The following ADGRA1 variants were observed in gnomAD, a reference collection of about 807,000 sequenced individuals.
ADGRA1 encodes the protein G-protein coupled receptor 123.
A neutral mutation model predicts 21.3 loss-of-function variants in ADGRA1; 12 were observed. That is an observed-to-expected ratio of 0.56 (90% CI 0.36 to 0.91). The LOEUF (loss-of-function observed/expected upper bound fraction) is 0.91. Among genes scored for constraint, ADGRA1 ranks in the 40% least tolerant of loss-of-function variants. The pLI, the probability that ADGRA1 is intolerant of heterozygous loss-of-function variation, is 0.01. For synonymous variants in ADGRA1, 385 were observed against 368.8 expected, an observed-to-expected ratio of 1.04 and a Z score of -0.50; for missense variants, 790 against 805.6, an observed-to-expected ratio of 0.98 and a Z score of 0.23.
chr10:133,103,368 G>A (rs1186558507), intron 5 of ADGRA1, among the ~76,000 whole-genome samples: 1 of 152,232 alleles, frequency 6.6e-6, no homozygotes, highest in African/African-American at 2.4e-5. Flanking sequence ...ACACACTCAG[G>A]CACTCATTTC....
chr10:133,104,926 G>T (rs1030862239), intron 5 of ADGRA1, among the ~76,000 whole-genome samples: 2 of 152,162 alleles, frequency 1.3e-5, no homozygotes, highest in South Asian at 2.1e-4. Context: ...AGGCTGGAGC[G>T]GGGCCTTTCT....
At chr10:133,113,050 A>G (rs138077382) in intron 5 of ADGRA1, among the ~76,000 whole-genome samples, 14,110 of 60,886 alleles carry the variant, frequency 0.23, 2,848 homozygotes, top group East Asian at 0.67. Context: ...TTTGGGGTCT[A>G]TAAGCTGTGT....
At chr10:133,101,673 C>T (rs930164886) in intron 4 of ADGRA1, among the ~76,000 whole-genome samples, 1 of 152,194 alleles carries the variant, frequency 6.6e-6, no homozygotes, top group Non-Finnish European at 1.5e-5. Flanking sequence ...CCCTACTCCT[C>T]GACACGGTGC....
rs144745219 is a variant in ADGRA1 at position 133,109,877 on chromosome 10, G to A, written c.401+7035G>A. Among the ~76,000 whole-genome samples the A allele has an allele frequency of 4.2e-3, 646 of 152,348 alleles. 5 individuals are homozygous for A. The highest frequency in any genetic ancestry group is 0.014 in the African/African-American group (585 of 41,572). ...CTTTGTTCTGAGGCTTGGGTGAGCA[G>A]CACACTGCCCGTCATGCAGTGTCAG... On this transcript the variant is annotated intron_variant, in intron 5 of 6. Transcript: ENST00000392607.
Position 133,129,435 on chromosome 10 carries a change from T to G in ADGRA1, c.1607T>G (p.Leu536Arg). The G allele has an allele frequency of 6.2e-7, 1 of 1,603,686 alleles. No individual in the cohort carries two copies. Among genetic ancestry groups the G allele is most frequent in the Non-Finnish European group, 8.5e-7 (1 of 1,179,882 alleles). ...AACGGGCTGCCCAAGGGTAAATTGC[T>G]AGAAGGCCTGCCGTTTGGCACCGAC... ...SQNGLPKGKL[L>R]EGLPFGTDGT... Residue 536 changes from leucine (L) to arginine (R), a missense_variant, in exon 7 of 7, where the codon CTA becomes CGA. Around this residue, in one of 3 missense-constraint regions of ADGRA1, gnomAD observed 391 missense variants for 351.5 expected, o/e 1.11. Coordinates refer to ENST00000392607, the MANE Select transcript of ADGRA1 (RefSeq NM_001083909.3).
chr10:133,089,200 A>C, intron 2 of ADGRA1: 1 of 491,064 alleles, frequency 2.0e-6, no homozygotes, highest in Non-Finnish European at 3.2e-6. Flanking sequence ...CCCTCCCGCA[A>C]AGCTGGCATC....
Position 133,129,012 on chromosome 10 carries a change from A to G in ADGRA1, c.1184A>G (p.Asp395Gly). 1.3e-6 allele frequency: 2 copies of G among 1,566,890 alleles called. No individual in the cohort carries two copies. Among genetic ancestry groups the G allele is most frequent in the Non-Finnish European group, 1.7e-6 (2 of 1,155,648 alleles). ...AKMHCEPLTA[D>G]EAHVHLQEEG... is the part of the protein sequence containing the mutation. ...ATGCACTGCGAGCCACTGACGGCGG[A>G]CGAGGCGCACGTGCACCTGCAGGAG... Residue 395 changes from aspartate to glycine, a missense_variant, in exon 7 of 7, where the codon GAC (aspartate) becomes GGC (glycine). By Grantham distance (94) the Asp-to-Gly change is moderately conservative. Around this residue, in one of 3 missense-constraint regions of ADGRA1, gnomAD observed 391 missense variants for 351.5 expected, o/e 1.11. Transcript: ENST00000392607.
intron 2 of ADGRA1, among the ~76,000 whole-genome samples, chr10:133,093,496 G>C (rs888426223): frequency 6.6e-6 from 1 of 152,244 alleles, no homozygotes; most frequent in South Asian, 2.1e-4. Flanking sequence ...TGGCGGGACT[G>C]TTGGCTCCGA....
chr10:133,111,092 G>T lies in ADGRA1; in HGVS notation c.401+8250G>T, dbSNP rs569000095. 1.1e-4 allele frequency among the ~76,000 whole-genome samples: 16 copies of T among 151,792 alleles called. No homozygotes were observed. In the East Asian group the frequency reaches 2.7e-3, roughly 26 times the overall value. On this transcript the variant is annotated intron_variant, in intron 5 of 6. Transcript: ENST00000392607. ...TCCTGCCAAGCCACCTGCCTGCCAT[G>T]GGCAGCTCCCCTCCTAATCCTGCTG... is the stretch of plus-strand genomic sequence containing the variant.
At chr10:133,125,958 G>A (rs1852368383) in intron 5 of ADGRA1, among the ~76,000 whole-genome samples, 2 of 152,238 alleles carry the variant, frequency 1.3e-5, no homozygotes, top group South Asian at 4.1e-4. Flanking sequence ...AACAGTCATT[G>A]AAAGAGGGAG....
chr10:133,107,023 C>T (rs1421991313), intron 5 of ADGRA1, among the ~76,000 whole-genome samples: 2 of 152,382 alleles, frequency 1.3e-5, no homozygotes, highest in Non-Finnish European at 1.5e-5. Flanking sequence ...TCCAGCAAAG[C>T]GTTGCTGTCT....
chr10:133,104,746 G>A (rs569699146), intron 5 of ADGRA1, among the ~76,000 whole-genome samples: 9 of 151,894 alleles, frequency 5.9e-5, no homozygotes, highest in Non-Finnish European at 1.0e-4. Context: ...CCGCCCCCCC[G>A]GTGTCTGGCC....
chr10:133,103,488 C>A (rs999928371), intron 5 of ADGRA1, among the ~76,000 whole-genome samples: 2 of 152,226 alleles, frequency 1.3e-5, no homozygotes, highest in African/African-American at 4.8e-5. Flanking sequence ...TCCCCCGCCG[C>A]CCCGGCGGCC....
chr10:133,127,358 A>C, intron 6 of ADGRA1, 27 bp downstream of exon 6: 1 of 1,527,516 alleles, frequency 6.5e-7, no homozygotes, highest in Non-Finnish European at 8.9e-7. Flanking sequence ...CAGAACCGGG[A>C]GCTGGGAGCA....
intron 5 of ADGRA1, among the ~76,000 whole-genome samples, chr10:133,112,616 C>CGT (rs1852067704): frequency 2.6e-5 from 3 of 116,072 alleles, no homozygotes; most frequent in African/African-American, 6.7e-5. Context: ...CTACGGGCTA[C>CGT]GTCGGTTATT....
In ADGRA1 at chr10:133,114,774, C is replaced by T. The variant is rs530949751; in HGVS notation, c.401+11932C>T. 8.5e-5 allele frequency among the ~76,000 whole-genome samples: 13 copies of T among 152,258 alleles called. No homozygotes were observed. In the South Asian group the frequency reaches 2.5e-3, roughly 29 times the overall value. ...GGATCACGATCTCACAGATGGGTCCCGTGTCCCAGGGCAGTGAAGGTGCCG... is the reference window on the plus strand; with the variant it reads ...GGATCACGATCTCACAGATGGGTCCTGTGTCCCAGGGCAGTGAAGGTGCCG... On this transcript the variant is annotated intron_variant, in intron 5 of 6. Transcript: ENST00000392607.
intron 5 of ADGRA1, among the ~76,000 whole-genome samples, chr10:133,120,967 G>C (rs1852242701): frequency 6.6e-6 from 1 of 152,166 alleles, no homozygotes; most frequent in South Asian, 2.1e-4. Flanking sequence ...GCCATTGTAG[G>C]GTTATTAATT....
At chr10:133,106,678 C>A (rs1034692605) in intron 5 of ADGRA1, among the ~76,000 whole-genome samples, 1 of 152,268 alleles carries the variant, frequency 6.6e-6, no homozygotes, top group Non-Finnish European at 1.5e-5. Context: ...GCAGCAGACA[C>A]CCATCCCAGA....
At chr10:133,102,991 T>C in intron 5 of ADGRA1, 149 bp downstream of exon 5, 3 of 779,256 alleles carry the variant, frequency 3.8e-6, no homozygotes, top group Non-Finnish European at 5.4e-6. Flanking sequence ...CCAGGGAGGG[T>C]GGAGAGCGGG....
Sources: gnomAD v4.1 joint callset for allele counts (sites outside exome capture counted in the v4.1 genomes callset) on GRCh38, gnomAD v4.1.1 for gene constraint, gnomAD v4.1.1 regional missense constraint, MANE v1.5 for transcripts, NCBI Gene and HGNC (gene_info 2026-07-23, HGNC 2026-07-21) for gene names.